Variants in RFX3 observed in about 807,000 individuals in gnomAD.
RFX3 encodes the protein transcription factor RFX3.
In RFX3, 14 loss-of-function variants were observed where a neutral mutation model predicts 98.6. The observed-to-expected ratio is 0.14, with a 90% CI of 0.09 to 0.22. The LOEUF (loss-of-function observed/expected upper bound fraction) is 0.22, where lower values mean the gene tolerates loss of function less well. Ranked by LOEUF, RFX3 falls within the 10% of genes least tolerant of loss-of-function variation. The pLI is 1.00. For missense variants in RFX3, 639 were observed against 926.9 expected (o/e 0.69, Z 4.03); for synonymous variants, 383 against 328.4 (o/e 1.17, Z -1.80).
intron 1 of RFX3, among the ~76,000 whole-genome samples, chr9:3,396,909 C>A (rs1840949883): frequency 6.6e-6 from 1 of 152,104 alleles, no homozygotes. Context: ...AACGTATATC[C>A]AAAAGCCAAC....
intron 1 of RFX3, among the ~76,000 whole-genome samples, chr9:3,500,926 T>C (rs1260123606): frequency 6.6e-6 from 1 of 152,186 alleles, no homozygotes; most frequent in African/African-American, 2.4e-5. Context: ...CATGAATACT[T>C]AGGACCCTGT....
chr9:3,410,882 T>A (rs74471670), intron 1 of RFX3, among the ~76,000 whole-genome samples: 3 of 152,234 alleles, frequency 2.0e-5, no homozygotes, highest in Non-Finnish European at 4.4e-5. Flanking sequence ...TGGTTTTTAC[T>A]AGCTCATAAG....
intron 2 of RFX3, among the ~76,000 whole-genome samples, chr9:3,361,482 C>G (rs1424008232): frequency 6.6e-6 from 1 of 151,676 alleles, no homozygotes; most frequent in Non-Finnish European, 1.5e-5. Context: ...AAATCATAAA[C>G]CTGAAAACAG....
At chr9:3,395,402 G>C (rs1840752932) in intron 2 of RFX3, 70 bp downstream of exon 2, 1 of 1,536,686 alleles carries the variant, frequency 6.5e-7, no homozygotes, top group South Asian at 1.1e-5. Flanking sequence ...ATAATTTTTG[G>C]ATACAGGTAT....
chr9:3,341,099 T>C (rs1485012133), intron 3 of RFX3, among the ~76,000 whole-genome samples: 1 of 152,110 alleles, frequency 6.6e-6, no homozygotes, highest in African/African-American at 2.4e-5. Context: ...TTCATGTCCT[T>C]TGTAGGGACA....
intron 3 of RFX3, among the ~76,000 whole-genome samples, chr9:3,337,409 T>C (rs747135330): frequency 1.2e-4 from 18 of 152,222 alleles, no homozygotes; most frequent in Non-Finnish European, 2.1e-4. Flanking sequence ...GGGACAAATA[T>C]TTTTAAGCCA....
chr9:3,384,876 A>G (rs1839546368), intron 2 of RFX3, among the ~76,000 whole-genome samples: 1 of 152,120 alleles, frequency 6.6e-6, no homozygotes, highest in Non-Finnish European at 1.5e-5. Context: ...CCAGGTCTTC[A>G]TACACTCACT....
chr9:3,429,947 C>T (rs1341227676), intron 1 of RFX3, among the ~76,000 whole-genome samples: 1 of 152,140 alleles, frequency 6.6e-6, no homozygotes, highest in Non-Finnish European at 1.5e-5. Context: ...AGATAATAAT[C>T]CCATTGACAA....
chr9:3,464,333 A>C (rs958252178), intron 1 of RFX3, among the ~76,000 whole-genome samples: 1 of 152,238 alleles, frequency 6.6e-6, no homozygotes, highest in Admixed American at 6.5e-5. Context: ...ATATTGCATA[A>C]CACTGTGTTT....
chr9:3,469,987 T>C (rs552501566), intron 1 of RFX3, among the ~76,000 whole-genome samples: 1 of 152,236 alleles, frequency 6.6e-6, no homozygotes, highest in South Asian at 2.1e-4. Flanking sequence ...GGATCACTAT[T>C]GTAATCCCAA....
chr9:3,503,883 T>A (rs1161856565), intron 1 of RFX3, among the ~76,000 whole-genome samples: 1 of 151,828 alleles, frequency 6.6e-6, no homozygotes, highest in Non-Finnish European at 1.5e-5. Flanking sequence ...ATAAGTAAAC[T>A]AAGGGTATAA....
intron 4 of RFX3, among the ~76,000 whole-genome samples, chr9:3,322,147 C>CA (rs1234396640): frequency 1.3e-5 from 2 of 151,792 alleles, no homozygotes; most frequent in African/African-American, 2.4e-5. Flanking sequence ...CCTTTCTTGT[C>CA]AAAAAAACTA....
intron 1 of RFX3, among the ~76,000 whole-genome samples, chr9:3,468,839 G>GA (rs1313317226): frequency 7.4e-5 from 9 of 122,084 alleles, no homozygotes; most frequent in South Asian, 5.2e-4. Flanking sequence ...AAAGAAAAAA[G>GA]AAAAAAAAGA....
rs569472947 is a variant in RFX3, at chr9:3,395,553, C to T, written c.36G>A (p.Ser12=). ...CCACAGATGTTTGTAAGGTCACTGT[C>T]GAGCCTGTGTCCGACCCAGTCTCTG... is the stretch of plus-strand genomic sequence containing the variant. ...QTSETGSDTG[S]TVTLQTSVAS... is the part of the protein sequence containing the mutation. Residue 12 remains serine (S), a synonymous_variant, in exon 2 of 17, where the codon TCG becomes TCA. Coordinates refer to ENST00000617270, the MANE Select transcript of RFX3 (RefSeq NM_001282116.2). 2.2e-5 allele frequency: 36 copies of T among 1,613,904 alleles called. 1 individual carries two copies. Among genetic ancestry groups the T allele is most frequent in the Middle Eastern group, 3.3e-4 (2 of 6,082 alleles).
At position 3,335,847 on chromosome 9, in the gene RFX3, T is replaced by G. The variant is rs564778307; in HGVS notation, c.216-5330A>C. On this transcript the variant is annotated intron_variant, in intron 3 of 16. Coordinates refer to ENST00000617270, the MANE Select transcript of RFX3 (RefSeq NM_001282116.2). ...CATTGAATTCAGTAATTTAGTGCCA[T>G]TTGTTTCCCATCATGCCTTAGCATA... 3.7e-4 allele frequency among the ~76,000 whole-genome samples: 56 copies of G among 152,308 alleles called. 1 individual carries two copies. The highest frequency in any genetic ancestry group is 1.3e-3 in the African/African-American group (54 of 41,570).
In RFX3 at chr9:3,346,721, G is replaced by A; in HGVS notation, c.161C>T (p.Pro54Leu). 6.2e-7 allele frequency: 1 copy of A among 1,613,726 alleles called. No individual in the cohort carries two copies. Among genetic ancestry groups the A allele is most frequent in the Non-Finnish European group, 8.5e-7 (1 of 1,179,742 alleles). ...TCCTTCCACATACTGCACCTGAGCGGGATAGACATGTTGTACCTGCTGCAC... is the reference window on the plus strand; with the variant it reads ...TCCTTCCACATACTGCACCTGAGCGAGATAGACATGTTGTACCTGCTGCAC... ...QTVQQVQHVY[P>L]AQVQYVEGSD... Residue 54 changes from proline (P) to leucine (L), a missense_variant, in exon 3 of 17, where the codon CCC becomes CTC. Pro to Leu is a moderately conservative substitution (Grantham distance 98, BLOSUM62 -3). Around this residue, in one of 9 missense-constraint regions of RFX3, gnomAD observed 210 missense variants for 197.7 expected, o/e 1.06. Coordinates refer to ENST00000617270, the MANE Select transcript of RFX3 (RefSeq NM_001282116.2).
intron 2 of RFX3, among the ~76,000 whole-genome samples, chr9:3,352,287 C>T (rs184537154): frequency 3.9e-4 from 59 of 151,806 alleles, no homozygotes; most frequent in South Asian, 1.5e-3. Context: ...CATATATGTT[C>T]GTATGTGTAT....
At position 3,399,218 on chromosome 9, in the gene RFX3, T is replaced by C. The variant is rs181847080; in HGVS notation, c.-8-3622A>G. Among the ~76,000 whole-genome samples, 45 of 149,538 alleles carry C rather than the reference T, an allele frequency of 3.0e-4. 1 individual carries two copies. Among genetic ancestry groups the C allele is most frequent in the Admixed American group, 1.7e-3 (26 of 14,902 alleles). On this transcript the variant is annotated intron_variant, in intron 1 of 16. Coordinates refer to ENST00000617270, the MANE Select transcript of RFX3 (RefSeq NM_001282116.2). Reference sequence around the variant, plus strand: ...GGGAGGCCAAGGTGGGTGAATCACCTGAGGTCAGGAGTTCAAGACCACCCT... The same window carrying C: ...GGGAGGCCAAGGTGGGTGAATCACCCGAGGTCAGGAGTTCAAGACCACCCT...
chr9:3,273,297 G>C (rs1824746916), intron 9 of RFX3, among the ~76,000 whole-genome samples: 1 of 152,124 alleles, frequency 6.6e-6, no homozygotes, highest in Non-Finnish European at 1.5e-5. Flanking sequence ...TCAGCCCTAT[G>C]AGAGAGATGG....
Sources: allele counts gnomAD v4.1 joint callset (sites outside exome capture counted in the v4.1 genomes callset), GRCh38; gene constraint gnomAD v4.1.1; regional missense constraint gnomAD v4.1.1; transcripts MANE v1.5; gene names NCBI Gene and HGNC (gene_info 2026-07-23, HGNC 2026-07-21).